Variants in DGKB observed in about 807,000 individuals in gnomAD.
DGKB encodes diacylglycerol kinase beta.
DGKB carries 67 observed loss-of-function variants against 114.3 expected under a neutral mutation model. That is an observed-to-expected ratio of 0.59 (90% CI 0.48 to 0.72). The LOEUF (loss-of-function observed/expected upper bound fraction) is 0.72, where lower values mean the gene tolerates loss of function less well. Among genes scored for constraint, DGKB ranks in the 30% least tolerant of loss-of-function variants. DGKB has a pLI of 0.00. For missense variants in DGKB, 907 were observed against 975.2 expected (o/e 0.93, Z 0.93); for synonymous variants, 398 against 323.1 (o/e 1.23, Z -2.49).
At chr7:14,586,362 A>T (rs1800763676) in intron 17 of DGKB, among the ~76,000 whole-genome samples, 1 of 113,008 alleles carries the variant, frequency 8.8e-6, no homozygotes, top group Admixed American at 9.2e-5. Flanking sequence ...ATTCAATTGT[A>T]TGAAGGCTGA....
intron 23 of DGKB, among the ~76,000 whole-genome samples, chr7:14,181,340 A>C (rs1782611113): frequency 6.6e-6 from 1 of 152,190 alleles, no homozygotes; most frequent in Admixed American, 6.5e-5. Flanking sequence ...TAAATGCTAA[A>C]TGGCAATTTA....
intron 23 of DGKB, among the ~76,000 whole-genome samples, chr7:14,332,002 AT>A (rs1481114631): frequency 1.3e-5 from 2 of 152,208 alleles, no homozygotes; most frequent in Non-Finnish European, 2.9e-5. Context: ...GGGGGAAATA[AT>A]ACATAGTAAA....
chr7:14,833,825 C>T (rs1014515586), intron 2 of DGKB, among the ~76,000 whole-genome samples: 1 of 152,068 alleles, frequency 6.6e-6, no homozygotes, highest in African/African-American at 2.4e-5. Flanking sequence ...CTTCCCCCAC[C>T]TCTACTCAAT....
At chr7:14,734,677 A>T (rs980589770) in intron 5 of DGKB, among the ~76,000 whole-genome samples, 1 of 152,190 alleles carries the variant, frequency 6.6e-6, no homozygotes, top group African/African-American at 2.4e-5. Context: ...TTTTGAAAAT[A>T]GTTATTTTTC....
Position 14,337,429 on chromosome 7 carries a change from C to T in DGKB, c.2122+1086G>A, listed in dbSNP as rs537135148. ...TTTTAAGGGCATCAAAACCACCTGTCATTGGCAGGTTGTGATAAGCATTTC... is the reference window on the plus strand; with the variant it reads ...TTTTAAGGGCATCAAAACCACCTGTTATTGGCAGGTTGTGATAAGCATTTC... On this transcript the variant is annotated intron_variant, in intron 23 of 25. Coordinates refer to ENST00000402815, the MANE Select transcript of DGKB (RefSeq NM_001350709.2). Among the ~76,000 whole-genome samples, 53 of 152,218 alleles carry T rather than the reference C, an allele frequency of 3.5e-4. 1 individual carries two copies. Among genetic ancestry groups the T allele is most frequent in the African/African-American group, 1.3e-3 (53 of 41,556 alleles).
intron 20 of DGKB, among the ~76,000 whole-genome samples, chr7:14,548,397 C>A (rs1584738242): frequency 6.6e-6 from 1 of 152,078 alleles, no homozygotes; most frequent in Admixed American, 6.6e-5. Flanking sequence ...GTGGCAAGCC[C>A]AGTTTGGTAG....
chr7:14,533,765 A>G (rs1791978629), intron 20 of DGKB, among the ~76,000 whole-genome samples: 1 of 152,016 alleles, frequency 6.6e-6, no homozygotes. Flanking sequence ...GGGTGGAGTG[A>G]TACATTCAAA....
At position 14,149,246 on chromosome 7, in the gene DGKB, AAAAG is replaced by A. The variant is rs776344721; in HGVS notation, c.2305-12_2305-9del. 40 of 1,599,060 alleles carry A rather than the reference AAAAG, an allele frequency of 2.5e-5. No homozygotes were observed. Among genetic ancestry groups the A allele is most frequent in the African/African-American group, 4.0e-5 (3 of 74,398 alleles). On this transcript the variant is annotated splice_polypyrimidine_tract_variant and intron_variant, in intron 25 of 25. Transcript: ENST00000402815. ...CTTGTGTGTAATTTTTATCTAGAAA[AAAAG>A]AGAGAGAGAGAGAGAGAAAGAATAG...
At chr7:14,930,283 G>C (rs931098821) in intron 1 of DGKB, among the ~76,000 whole-genome samples, 3 of 152,042 alleles carry the variant, frequency 2.0e-5, no homozygotes, top group African/African-American at 7.2e-5. Flanking sequence ...GATAGGGATT[G>C]CATTAAATCT....
chr7:14,179,214 C>T (rs899365825), intron 23 of DGKB, among the ~76,000 whole-genome samples: 11 of 152,176 alleles, frequency 7.2e-5, no homozygotes, highest in African/African-American at 2.7e-4. Flanking sequence ...AAGTTGAACT[C>T]ACATCAATAG....
At chr7:14,184,766 C>CT (rs755222045) in intron 23 of DGKB, among the ~76,000 whole-genome samples, 26 of 152,104 alleles carry the variant, frequency 1.7e-4, no homozygotes, top group Non-Finnish European at 3.5e-4. Context: ...CAGTTCCTCT[C>CT]TGGAAAGCAC....
chr7:14,824,365 T>C (rs1845366764), intron 2 of DGKB, among the ~76,000 whole-genome samples: 2 of 152,188 alleles, frequency 1.3e-5, no homozygotes, highest in South Asian at 4.1e-4. Flanking sequence ...TGTTTTGTTC[T>C]GTCTGGCTTT....
rs370448552 is a variant in DGKB, at chr7:14,413,564, CTT to C, written c.1835+64595_1835+64596del. Among the ~76,000 whole-genome samples the C allele has an allele frequency of 5.0e-4, 76 of 152,096 alleles. 1 individual carries two copies. In the South Asian group the frequency reaches 0.016, roughly 32 times the overall value. On this transcript the variant is annotated intron_variant, in intron 21 of 25. Coordinates refer to ENST00000402815, the MANE Select transcript of DGKB (RefSeq NM_001350709.2). ...AAGGTGAAAGGGCCTAGTAACAAGT[CTT>C]GAGGTATTCCAGGTAAAGGAGAAGA...
intron 23 of DGKB, among the ~76,000 whole-genome samples, chr7:14,312,389 T>G (rs1805549132): frequency 6.6e-6 from 1 of 152,210 alleles, no homozygotes; most frequent in African/African-American, 2.4e-5. Context: ...AAAACAATGT[T>G]GTATAAAATT....
At chr7:14,910,445 G>C (rs568570720) in intron 1 of DGKB, among the ~76,000 whole-genome samples, 242 of 152,064 alleles carry the variant, frequency 1.6e-3, no homozygotes, top group African/African-American at 5.7e-3. Flanking sequence ...AAGACTGGAA[G>C]ACATAAACCT....
intron 23 of DGKB, among the ~76,000 whole-genome samples, chr7:14,182,187 C>T (rs1034597638): frequency 6.6e-6 from 1 of 151,886 alleles, no homozygotes; most frequent in Admixed American, 6.6e-5. Context: ...AAAATATCTA[C>T]AAGTCTCTAT....
At position 14,266,208 on chromosome 7, in the gene DGKB, G is replaced by A. The variant is rs146495879; in HGVS notation, c.2122+72307C>T. On this transcript the variant is annotated intron_variant, in intron 23 of 25. Transcript: ENST00000402815. Reference sequence around the variant, plus strand: ...TTTAGTTTGTATGCCTTCAAATTGCGCCTAAATAACACAGTTATTTTTGAC... The same window carrying A: ...TTTAGTTTGTATGCCTTCAAATTGCACCTAAATAACACAGTTATTTTTGAC... Among the ~76,000 whole-genome samples the A allele has an allele frequency of 3.5e-3, 535 of 152,200 alleles. 4 individuals carry two copies. The highest frequency in any genetic ancestry group is 0.012 in the African/African-American group (505 of 41,520).
chr7:14,569,374 A>G (rs549709575), intron 20 of DGKB, among the ~76,000 whole-genome samples: 1 of 152,330 alleles, frequency 6.6e-6, no homozygotes, highest in South Asian at 2.1e-4. Context: ...AATCATAAAC[A>G]TTCTATCACA....
chr7:14,645,557 T>A (rs531829893), intron 13 of DGKB, among the ~76,000 whole-genome samples: 7 of 152,142 alleles, frequency 4.6e-5, no homozygotes, highest in African/African-American at 1.7e-4. Context: ...AGGCACATTA[T>A]AGTCAAACAG....
Sources: allele counts gnomAD v4.1 joint callset (sites outside exome capture counted in the v4.1 genomes callset), GRCh38; gene constraint gnomAD v4.1.1; transcripts MANE v1.5; gene names NCBI Gene and HGNC (gene_info 2026-07-23, HGNC 2026-07-21).